WNT9A: variants seen among roughly 807,000 people sequenced by gnomAD.
WNT9A encodes the protein protein Wnt-9a.
A neutral mutation model predicts 31.4 loss-of-function variants in WNT9A; 8 were observed. The observed-to-expected ratio is 0.26, with a 90% CI of 0.15 to 0.46. The LOEUF (loss-of-function observed/expected upper bound fraction) is 0.46. Among genes scored for constraint, WNT9A ranks in the 20% least tolerant of loss-of-function variants. The pLI, the probability that WNT9A is intolerant of heterozygous loss-of-function variation, is 0.99. For missense variants in WNT9A, 457 were observed against 522.9 expected, an observed-to-expected ratio of 0.87 and a Z score of 1.23; for synonymous variants, 236 against 220.1, an observed-to-expected ratio of 1.07 and a Z score of -0.64.
At chr1:227,924,509 G>A (rs1413091670) in intron 2 of WNT9A, 109 bp from the exon 3 acceptor site, 7 of 1,441,102 alleles carry the variant, frequency 4.9e-6, no homozygotes, top group Non-Finnish European at 6.5e-6. Flanking sequence ...GGGGCTCAGA[G>A]CATCTTTCCT....
At chr1:227,939,648 C>T (rs1314021382) in intron 1 of WNT9A, among the ~76,000 whole-genome samples, 3 of 152,176 alleles carry the variant, frequency 2.0e-5, no homozygotes, top group Admixed American at 6.5e-5. Context: ...GGCCGGACTC[C>T]GACCTTCCTG....
intron 1 of WNT9A, among the ~76,000 whole-genome samples, chr1:227,939,394 C>T (rs1018819821): frequency 2.0e-5 from 3 of 152,270 alleles, no homozygotes; most frequent in East Asian, 3.9e-4. Context: ...GACGGCCCCC[C>T]GCTCCTCTGG....
At chr1:227,938,481 G>A (rs931724370) in intron 1 of WNT9A, among the ~76,000 whole-genome samples, 24 of 149,630 alleles carry the variant, frequency 1.6e-4, no homozygotes, top group Admixed American at 7.3e-4. Context: ...CCACAGGAAC[G>A]AACACACCCA....
At chr1:227,941,008 C>G (rs916501859) in intron 1 of WNT9A, among the ~76,000 whole-genome samples, 4 of 152,270 alleles carry the variant, frequency 2.6e-5, no homozygotes, top group African/African-American at 4.8e-5. Flanking sequence ...GGGTCACGTC[C>G]CCGCCGGGGC....
intron 1 of WNT9A, among the ~76,000 whole-genome samples, chr1:227,947,025 G>A (rs934699719): frequency 6.6e-6 from 1 of 152,218 alleles, no homozygotes. Flanking sequence ...AGCGCAGCGA[G>A]GGTCCCTGTA....
At position 227,921,274 on chromosome 1, in the gene WNT9A, T is replaced by C. The variant is rs1362405730; in HGVS notation, c.*244A>G. On this transcript the variant is annotated 3_prime_UTR_variant, in exon 4 of 4. Coordinates refer to ENST00000272164, the MANE Select transcript of WNT9A (RefSeq NM_003395.4). Reference sequence around the variant, plus strand: ...GCCTTGGCAGGTGTAGGCCCATTCATGCTCTGTGCAATGCCTGCACCCCAT... The same window carrying C: ...GCCTTGGCAGGTGTAGGCCCATTCACGCTCTGTGCAATGCCTGCACCCCAT... 10 of 539,616 alleles carry C rather than the reference T, an allele frequency of 1.9e-5. No homozygotes were observed. The East Asian group carries it at 3.3e-4, about 18-fold the overall frequency. The allele number at this position is 539,616 out of a possible 1,614,324, so 33.4% of individuals were successfully genotyped here.
In WNT9A at chr1:227,922,014, G is replaced by A. The variant is rs772246821; in HGVS notation, c.616-14C>T. 49 of 1,591,424 alleles carry A rather than the reference G, an allele frequency of 3.1e-5. No individual in the cohort carries two copies. In the African/African-American group the frequency reaches 5.2e-4, roughly 17 times the overall value. On this transcript the variant is annotated splice_polypyrimidine_tract_variant and intron_variant, in intron 3 of 3. Coordinates refer to ENST00000272164, the MANE Select transcript of WNT9A (RefSeq NM_003395.4). Reference sequence around the variant, plus strand: ...AGCCTTGATCACCTGGCAGAAGGGTGCGGGAGGGAGGGCAGTGTGAGGGCT... The same window carrying A: ...AGCCTTGATCACCTGGCAGAAGGGTACGGGAGGGAGGGCAGTGTGAGGGCT...
chr1:227,945,428 C>T (rs530384969), intron 1 of WNT9A, among the ~76,000 whole-genome samples: 3 of 152,130 alleles, frequency 2.0e-5, no homozygotes, highest in Non-Finnish European at 4.4e-5. Flanking sequence ...CCAGAGGCCT[C>T]TAGGAGGGCA....
chr1:227,932,074 C>T (rs541414398), intron 1 of WNT9A, among the ~76,000 whole-genome samples: 5 of 152,286 alleles, frequency 3.3e-5, no homozygotes, highest in Non-Finnish European at 5.9e-5. Context: ...ATGGACTCTC[C>T]CTTTCATGAA....
Position 227,921,447 on chromosome 1 carries a change from G to A in WNT9A, c.*71C>T, listed in dbSNP as rs1265293945. ...GGTCGAGCCCAGGAACTCAGCCTGT[G>A]CAGGTGTAGACCCTTCACACCGTGT... On this transcript the variant is annotated 3_prime_UTR_variant, in exon 4 of 4. Transcript: ENST00000272164. 5.1e-5 allele frequency: 79 copies of A among 1,541,398 alleles called. 1 individual carries two copies. In the East Asian group the frequency reaches 1.7e-3, roughly 34 times the overall value.
intron 1 of WNT9A, among the ~76,000 whole-genome samples, chr1:227,930,156 G>A (rs1666483726): frequency 1.3e-5 from 2 of 152,190 alleles, no homozygotes; most frequent in South Asian, 2.1e-4. Context: ...CAGCAGGAGA[G>A]CAGCTGGGAA....
chr1:227,937,133 C>T (rs900575599), intron 1 of WNT9A, among the ~76,000 whole-genome samples: 12 of 152,236 alleles, frequency 7.9e-5, no homozygotes, highest in Non-Finnish European at 1.5e-4. Context: ...TTTTCTCCCC[C>T]TCTAGCTCTA....
chr1:227,921,586 G>A lies in WNT9A; in HGVS notation c.1030C>T (p.Arg344Cys). ...VVTRPCQCQV[R>C]WCCYVECRQC... is the part of the protein sequence containing the mutation. ...CTGCACTCCACATAGCAGCACCAAC[G>A]CACCTGGCACTGGCAGGGCCTTGTC... The change falls in exon 4 of 4, where the codon CGT becomes TGT. Residue 344 changes from arginine (R) to cysteine (C), a missense_variant. Arg to Cys is a radical substitution (Grantham distance 180). Transcript: ENST00000272164. 6.2e-7 allele frequency: 1 copy of A among 1,613,500 alleles called. No homozygotes were observed. Among genetic ancestry groups the A allele is most frequent in the Non-Finnish European group, 8.5e-7 (1 of 1,179,988 alleles).
rs1389713257 is a variant in WNT9A, at chr1:227,942,080, C to G, written c.95+5713G>C. ...ACCCCAGAGCAGGGCACCCCCAGCC[C>G]GGGCCACCCCAGCAGCCGGCGGAAG... On this transcript the variant is annotated intron_variant, in intron 1 of 3. Coordinates refer to ENST00000272164, the MANE Select transcript of WNT9A (RefSeq NM_003395.4). This position sits in a 1 kb window ranked among gnomAD's most constrained non-coding sequence, Gnocchi z 5.7. Among the ~76,000 whole-genome samples the G allele has an allele frequency of 6.6e-6, 1 of 152,122 alleles. No homozygotes were observed. The highest frequency in any genetic ancestry group is 1.5e-5 in the Non-Finnish European group (1 of 68,000).
chr1:227,940,751 G>T (rs949310341), intron 1 of WNT9A, among the ~76,000 whole-genome samples: 1 of 152,372 alleles, frequency 6.6e-6, no homozygotes, highest in Admixed American at 6.5e-5. Flanking sequence ...TCCGGCCACT[G>T]GTCCTGAGGT....
At chr1:227,937,615 G>C (rs1666618115) in intron 1 of WNT9A, among the ~76,000 whole-genome samples, 1 of 152,238 alleles carries the variant, frequency 6.6e-6, no homozygotes, top group African/African-American at 2.4e-5. Flanking sequence ...CGTGAAGATG[G>C]AAGCAGGGCG....
In WNT9A at chr1:227,925,475, T is replaced by C. The variant is rs1666405585; in HGVS notation, c.140A>G (p.Glu47Gly). ...GTGCGCCTGGGCAGCCGCCTCTGGC[T>C]CCAGGGTCAGCGGGAGGATGGTCAG... ...EPLTILPLTL[E>G]PEAAAQAHYK... The change falls in exon 2 of 4, where the codon GAG (glutamate) becomes GGG (glycine). Residue 47 changes from glutamate (E) to glycine (G), a missense_variant. By Grantham distance (98) the Glu-to-Gly change is moderately conservative. Transcript: ENST00000272164. This position sits in a 1 kb window ranked among gnomAD's most constrained non-coding sequence, Gnocchi z 6.0. 2 of 1,576,798 alleles carry C rather than the reference T, an allele frequency of 1.3e-6. No individual in the cohort carries two copies. Among genetic ancestry groups the C allele is most frequent in the African/African-American group, 2.7e-5 (2 of 74,022 alleles).
intron 1 of WNT9A, among the ~76,000 whole-genome samples, chr1:227,944,685 A>G (rs1019219676): frequency 6.6e-6 from 1 of 152,216 alleles, no homozygotes; most frequent in Non-Finnish European, 1.5e-5. Flanking sequence ...ACAATCCCTC[A>G]GTGCCAGCCT....
rs906147218 is a variant in WNT9A, at chr1:227,947,875, A to G, written c.13T>C (p.Ser5Pro). ...GCGGCCAGCCAGCGCGCCAGCGGGG[A>G]CCCATCCAGCATCTTGCCGCGCCTC... MLDG[S>P]PLARWLAAAF... Residue 5 changes from serine to proline, a missense_variant, in exon 1 of 4, where the codon TCC (serine) becomes CCC (proline). Physicochemically the swap from Ser to Pro is moderately conservative, Grantham distance 74. Transcript: ENST00000272164. 2.9e-5 allele frequency: 31 copies of G among 1,081,078 alleles called. No homozygotes were observed. The highest frequency in any genetic ancestry group is 3.5e-5 in the Non-Finnish European group (31 of 892,768). The allele number at this position is 1,081,078 out of a possible 1,614,324, so 67.0% of individuals were successfully genotyped here.
Sources: allele counts gnomAD v4.1 joint callset (sites outside exome capture counted in the v4.1 genomes callset), GRCh38; gene constraint gnomAD v4.1.1; non-coding constraint Gnocchi (gnomAD v3.1); transcripts MANE v1.5; gene names NCBI Gene and HGNC (gene_info 2026-07-23, HGNC 2026-07-21).